The following ARHGEF7 variants were observed in gnomAD, a reference collection of about 807,000 sequenced individuals.
ARHGEF7 encodes the protein Rho guanine nucleotide exchange factor 7, also known as PAK-interacting exchange factor beta.
Under a neutral mutation model 109.8 loss-of-function variants are expected in ARHGEF7, and 33 were observed. The ratio of observed to expected loss-of-function variants is 0.30; its 90% CI spans 0.23 to 0.40. The LOEUF (loss-of-function observed/expected upper bound fraction) is 0.40. Among genes scored for constraint, ARHGEF7 ranks in the 10% least tolerant of loss-of-function variants. ARHGEF7 has a pLI of 1.00. For missense variants in ARHGEF7, 938 were observed against 1,098.5 expected (o/e 0.85, Z 2.07); for synonymous variants, 458 against 424.6 (o/e 1.08, Z -0.97).
chr13:111,266,894 G>T lies in ARHGEF7; in HGVS notation c.951-654G>T, dbSNP rs915191920. 4.4e-6 allele frequency: 2 copies of T among 456,074 alleles called. No individual in the cohort carries two copies. The highest frequency in any genetic ancestry group is 4.4e-6 in the Non-Finnish European group (1 of 226,812). The allele number at this position is 456,074 out of a possible 1,614,324, so 28.3% of individuals were successfully genotyped here. On this transcript the variant is annotated intron_variant, in intron 8 of 21. Transcript: ENST00000646102. The surrounding 1 kb of genome is among the most constrained non-coding windows in gnomAD (Gnocchi z 4.8). ...AACTCTGAGGTCTGGAGAGGTGAGC[G>T]TGTACCCCGTTAGGCACACCCAACA...
Position 111,292,159 on chromosome 13 carries a change from G to A in ARHGEF7, c.2176G>A (p.Asp726Asn). ...CCTGATGCATAATCACGTCTTGGCT[G>A]ATGATGACCAACCAAGCCTAGACTC... ...TDLMHNHVLADDDQPSLDSLG... is the reference protein window; with the variant it reads ...TDLMHNHVLANDDQPSLDSLG... The change falls in exon 19 of 22, where the codon GAT (aspartate) becomes AAT (asparagine). Residue 726 changes from aspartate to asparagine, a missense_variant. Physicochemically the swap from Asp to Asn is conservative, Grantham distance 23. Transcript: ENST00000646102. 6.2e-7 allele frequency: 1 copy of A among 1,613,520 alleles called. No homozygotes were observed. The highest frequency in any genetic ancestry group is 8.5e-7 in the Non-Finnish European group (1 of 1,180,016).
chr13:111,203,024 A>G lies in ARHGEF7; in HGVS notation c.253-2265A>G, dbSNP rs757785572. ...CAGATGCTTCCTGGGTATCCAAGTA[A>G]GAAAGATATATAGTTCTGGAATAAC... is the stretch of plus-strand genomic sequence containing the variant. On this transcript the variant is annotated intron_variant, in intron 2 of 21. Coordinates refer to ENST00000646102, the MANE Select transcript of ARHGEF7 (RefSeq NM_001354046.2). The G allele has an allele frequency of 2.1e-5, 26 of 1,233,506 alleles. No homozygotes were observed. In the South Asian group the frequency reaches 3.7e-4, roughly 17 times the overall value. The allele number at this position is 1,233,506 out of a possible 1,614,324, so 76.4% of individuals were successfully genotyped here.
At chr13:111,181,635 G>T (rs113844946) in intron 2 of ARHGEF7, among the ~76,000 whole-genome samples, 1,789 of 152,318 alleles carry the variant, frequency 0.012, 17 homozygotes, top group Middle Eastern at 0.034. Flanking sequence ...TGGGTGCCTT[G>T]CCCTGAGGGA....
At chr13:111,285,576 TG>T (rs2092985112) in intron 16 of ARHGEF7, among the ~76,000 whole-genome samples, 1 of 152,248 alleles carries the variant, frequency 6.6e-6, no homozygotes, top group African/African-American at 2.4e-5. Context: ...GGTGTGCATG[TG>T]GCCCCTGCAC....
chr13:111,168,146 G>T (rs1364727472), intron 2 of ARHGEF7, among the ~76,000 whole-genome samples: 1 of 152,170 alleles, frequency 6.6e-6, no homozygotes, highest in Non-Finnish European at 1.5e-5. Flanking sequence ...TCTCGTCCAG[G>T]TCATAGGGAG....
intron 19 of ARHGEF7, chr13:111,294,905 C>T (rs528939771): frequency 1.0e-6 from 1 of 985,638 alleles, no homozygotes; most frequent in Non-Finnish European, 1.2e-6. Flanking sequence ...ATATAATAAG[C>T]TATATTAATT....
intron 13 of ARHGEF7, among the ~76,000 whole-genome samples, chr13:111,278,350 T>C (rs1387999397): frequency 1.3e-5 from 2 of 152,190 alleles, no homozygotes; most frequent in Non-Finnish European, 2.9e-5. Context: ...GCTCATATCC[T>C]TCCCATCAAC....
In ARHGEF7 at chr13:111,293,449, A is replaced by G. The variant is rs1423979608; in HGVS notation, c.2311+1155A>G. ...GGCTCACTTATTTAAAAAAAAAAAA[A>G]AAAAACTCACCCGTTTTCCTGGGAT... is the stretch of plus-strand genomic sequence containing the variant. On this transcript the variant is annotated intron_variant, in intron 19 of 21. Transcript: ENST00000646102. 4.1e-6 allele frequency: 4 copies of G among 984,612 alleles called. No individual in the cohort carries two copies. In the African/African-American group the frequency reaches 7.1e-5, roughly 17 times the overall value. The allele number at this position is 984,612 out of a possible 1,614,324, so 61.0% of individuals were successfully genotyped here. A position where few individuals can be genotyped will look rare whatever the true frequency, so the allele number is the denominator to read the frequency against.
intron 20 of ARHGEF7, among the ~76,000 whole-genome samples, chr13:111,301,106 G>A (rs1410720458): frequency 1.3e-5 from 2 of 152,040 alleles, no homozygotes; most frequent in Non-Finnish European, 1.5e-5. Context: ...GTGCCACCAC[G>A]CCTGGCTAAT....
At chr13:111,187,062 A>G in intron 2 of ARHGEF7, 1 of 974,004 alleles carries the variant, frequency 1.0e-6, no homozygotes, top group Non-Finnish European at 1.2e-6. Flanking sequence ...GTGTGAAAGC[A>G]GTTGGGCTGG....
At chr13:111,120,143 T>C (rs2067083487) in intron 1 of ARHGEF7, among the ~76,000 whole-genome samples, 2 of 152,256 alleles carry the variant, frequency 1.3e-5, no homozygotes, top group South Asian at 4.1e-4. Flanking sequence ...TGTGACTTTA[T>C]AGTCCTGTCT....
intron 5 of ARHGEF7, among the ~76,000 whole-genome samples, chr13:111,220,129 T>C (rs1454535489): frequency 1.3e-5 from 2 of 152,152 alleles, no homozygotes; most frequent in Admixed American, 6.5e-5. Context: ...GCCCCACCAG[T>C]TGGAGAGATC....
At chr13:111,181,775 G>A (rs1336296185) in intron 2 of ARHGEF7, among the ~76,000 whole-genome samples, 3 of 152,192 alleles carry the variant, frequency 2.0e-5, no homozygotes, top group African/African-American at 7.2e-5. Flanking sequence ...GCTGTCATGG[G>A]GTTGGGACTC....
chr13:111,285,860 G>C (rs1035203949), intron 16 of ARHGEF7, among the ~76,000 whole-genome samples: 3 of 152,010 alleles, frequency 2.0e-5, no homozygotes, highest in African/African-American at 4.8e-5. Flanking sequence ...CCTGCCTCCT[G>C]GTGACACCTC....
At chr13:111,156,016 C>CAG (rs1018341950) in intron 2 of ARHGEF7, among the ~76,000 whole-genome samples, 4 of 147,508 alleles carry the variant, frequency 2.7e-5, no homozygotes, top group African/African-American at 1.0e-4. Flanking sequence ...ACCCCGGAGG[C>CAG]AGAGGTTGCA....
At chr13:111,147,726 C>A in intron 1 of ARHGEF7, among the ~76,000 whole-genome samples, 1 of 113,846 alleles carries the variant, frequency 8.8e-6, no homozygotes, top group African/African-American at 3.5e-5. Context: ...GAGACGGAGT[C>A]TCGCTCTGTC....
chr13:111,300,295 T>C (rs545756703), intron 19 of ARHGEF7, among the ~76,000 whole-genome samples: 1 of 152,382 alleles, frequency 6.6e-6, no homozygotes, highest in East Asian at 1.9e-4. Flanking sequence ...AATATCTTGA[T>C]TATTAAATGT....
chr13:111,225,519 T>G (rs186905296), intron 5 of ARHGEF7, among the ~76,000 whole-genome samples: 8 of 152,102 alleles, frequency 5.3e-5, no homozygotes, highest in Admixed American at 6.5e-5. Context: ...TTTGTTTTTT[T>G]TTTTTTCTCT....
intron 2 of ARHGEF7, among the ~76,000 whole-genome samples, chr13:111,168,538 G>A (rs1180693487): frequency 1.3e-5 from 2 of 152,094 alleles, no homozygotes; most frequent in Non-Finnish European, 1.5e-5. Context: ...GCATAGAGGT[G>A]GATAAAATAG....
Sources: gnomAD v4.1 joint callset for allele counts (sites outside exome capture counted in the v4.1 genomes callset) on GRCh38, gnomAD v4.1.1 for gene constraint, Gnocchi (gnomAD v3.1) non-coding constraint, MANE v1.5 for transcripts, NCBI Gene and HGNC (gene_info 2026-07-23, HGNC 2026-07-21) for gene names.